RNF38: variants seen among roughly 807,000 people sequenced by gnomAD.
The protein encoded by RNF38 is E3 ubiquitin-protein ligase RNF38.
A neutral mutation model predicts 67.2 loss-of-function variants in RNF38; 15 were observed. That is an observed-to-expected ratio of 0.22 (90% CI 0.15 to 0.34). The LOEUF is 0.34. RNF38 is among the 10% of genes least tolerant of loss of function. RNF38 has a pLI of 1.00. For synonymous variants in RNF38, 220 were observed against 218.8 expected, an observed-to-expected ratio of 1.01 and a Z score of -0.05; for missense variants, 524 against 639.9, an observed-to-expected ratio of 0.82 and a Z score of 1.95.
Position 36,369,809 on chromosome 9 carries a change from G to A in RNF38, c.480C>T (p.Ala160=), listed in dbSNP as rs1438954626. 3 of 1,613,982 alleles carry A rather than the reference G, an allele frequency of 1.9e-6. No individual in the cohort carries two copies. The highest frequency in any genetic ancestry group is 1.3e-5 in the African/African-American group (1 of 75,044). The change falls in exon 4 of 12, where the codon GCC becomes GCT. Residue 160 remains alanine, a synonymous_variant. Coordinates refer to ENST00000259605, the MANE Select transcript of RNF38 (RefSeq NM_022781.5). ...GGGGAGATACATTCGGAGGGTGGAA[G>A]GCTCGAGGCTCCTCTATTGCTTGCT... ...AQQQAIEEPR[A]FHPPNVSPRL...
chr9:36,365,551 C>T (rs186039283), intron 4 of RNF38, among the ~76,000 whole-genome samples: 94 of 151,692 alleles, frequency 6.2e-4, no homozygotes, highest in African/African-American at 2.1e-3. Flanking sequence ...CCATCCTGGG[C>T]AAGAAGAGCG....
chr9:36,340,688 T>C (rs1225942296), intron 11 of RNF38, among the ~76,000 whole-genome samples: 1 of 152,202 alleles, frequency 6.6e-6, no homozygotes, highest in Non-Finnish European at 1.5e-5. Flanking sequence ...CTATTCTTAA[T>C]GGAATGAAGT....
At chr9:36,366,053 G>A (rs1231882452) in intron 4 of RNF38, among the ~76,000 whole-genome samples, 1 of 151,936 alleles carries the variant, frequency 6.6e-6, no homozygotes, top group African/African-American at 2.4e-5. Context: ...TTTCAAATAT[G>A]TTCAAAAACA....
intron 1 of RNF38, among the ~76,000 whole-genome samples, chr9:36,455,699 C>A (rs919089097): frequency 1.1e-4 from 16 of 150,206 alleles, no homozygotes; most frequent in African/African-American, 3.4e-4. Context: ...ATCTGGGGGG[C>A]AGAGGTTGCA....
chr9:36,457,215 ACACGAAGG>A (rs1442137606), intron 1 of RNF38, among the ~76,000 whole-genome samples: 2 of 152,220 alleles, frequency 1.3e-5, no homozygotes, highest in African/African-American at 4.8e-5. Flanking sequence ...TTCTTACCAA[ACACGAAGG>A]CACTGAATTA....
chr9:36,401,609 A>G (rs1267717826), upstream of RNF38, among the ~76,000 whole-genome samples: 1 of 152,192 alleles, frequency 6.6e-6, no homozygotes, highest in Non-Finnish European at 1.5e-5. Flanking sequence ...AATAAGAACA[A>G]AGATTGAAGC....
intron 1 of RNF38, 131 bp from the exon 2 acceptor site, chr9:36,390,747 A>G: frequency 1.0e-6 from 1 of 965,898 alleles, no homozygotes; most frequent in Non-Finnish European, 1.5e-6. Flanking sequence ...AAGAAATTAA[A>G]AATTAATTTT....
Position 36,338,531 on chromosome 9 carries a change from A to G in RNF38, c.*1221T>C, listed in dbSNP as rs1277316819. On this transcript the variant is annotated 3_prime_UTR_variant, in exon 12 of 12. Transcript: ENST00000259605. ...ATGAAGGAAGAACTAGACAACTTTC[A>G]GAATTGGAGTCTGGCAAGTGAATTA... 1 of 152,246 alleles carries G rather than the reference A, an allele frequency of 6.6e-6. No homozygotes were observed. Among genetic ancestry groups the G allele is most frequent in the Non-Finnish European group, 1.5e-5 (1 of 68,042 alleles). The allele number at this position is 152,246 out of a possible 1,614,324, so 9.4% of individuals were successfully genotyped here.
intron 1 of RNF38, among the ~76,000 whole-genome samples, chr9:36,453,075 A>C (rs1839496761): frequency 6.6e-6 from 1 of 152,132 alleles, no homozygotes; most frequent in Non-Finnish European, 1.5e-5. Flanking sequence ...GGAACGGCCA[A>C]ACTGTTTTCT....
At chr9:36,460,725 T>C (rs1306799152) in intron 1 of RNF38, among the ~76,000 whole-genome samples, 1 of 150,318 alleles carries the variant, frequency 6.7e-6, no homozygotes, top group Non-Finnish European at 1.5e-5. Context: ...CCATCTCTAC[T>C]AAAAATACAA....
chr9:36,347,503 T>C (rs988102054), intron 9 of RNF38, among the ~76,000 whole-genome samples: 3 of 152,226 alleles, frequency 2.0e-5, no homozygotes, highest in South Asian at 2.1e-4. Context: ...TCAAACTTTT[T>C]CATATCTGCT....
At chr9:36,349,921 G>T (rs563095997) in intron 9 of RNF38, among the ~76,000 whole-genome samples, 9 of 152,110 alleles carry the variant, frequency 5.9e-5, no homozygotes, top group African/African-American at 1.9e-4. Flanking sequence ...TGTGATCTTG[G>T]CTCACTGCAG....
intron 1 of RNF38, among the ~76,000 whole-genome samples, chr9:36,479,201 GC>G (rs1840191739): frequency 6.6e-6 from 1 of 152,116 alleles, no homozygotes; most frequent in Non-Finnish European, 1.5e-5. Context: ...TACCCCGCCT[GC>G]CCCCACTACT....
chr9:36,390,093 G>T (rs887828228), intron 2 of RNF38, among the ~76,000 whole-genome samples: 6 of 152,132 alleles, frequency 3.9e-5, no homozygotes, highest in African/African-American at 1.2e-4. Context: ...CGAACTCTGG[G>T]TGCCAAGCAA....
intron 11 of RNF38, among the ~76,000 whole-genome samples, chr9:36,340,234 C>CT (rs1832740764): frequency 1.3e-5 from 2 of 152,180 alleles, no homozygotes; most frequent in Admixed American, 1.3e-4. Flanking sequence ...CCACCATGGC[C>CT]TCCCAAGGTG....
intron 1 of RNF38, among the ~76,000 whole-genome samples, chr9:36,475,861 C>A (rs1840109173): frequency 6.6e-6 from 1 of 150,450 alleles, no homozygotes; most frequent in Non-Finnish European, 1.5e-5. Context: ...ACTAAAAATA[C>A]AAAAATTAGC....
chr9:36,425,537 T>C (rs912770803), intron 1 of RNF38, among the ~76,000 whole-genome samples: 1 of 151,930 alleles, frequency 6.6e-6, no homozygotes, highest in African/African-American at 2.4e-5. Context: ...CTACTAAAAA[T>C]ACAAAAATTA....
chr9:36,361,890 A>G (rs1834565737), intron 4 of RNF38, among the ~76,000 whole-genome samples: 1 of 152,176 alleles, frequency 6.6e-6, no homozygotes, highest in Admixed American at 6.5e-5. Context: ...CCCCCTAAAC[A>G]CTACCACTTA....
At chr9:36,367,685 T>C (rs1463936903) in intron 4 of RNF38, among the ~76,000 whole-genome samples, 1 of 152,212 alleles carries the variant, frequency 6.6e-6, no homozygotes, top group East Asian at 1.9e-4. Context: ...TTCATCTGTA[T>C]TCATGAGGGA....
Sources: allele counts gnomAD v4.1 joint callset (sites outside exome capture counted in the v4.1 genomes callset), GRCh38; gene constraint gnomAD v4.1.1; transcripts MANE v1.5; gene names NCBI Gene and HGNC (gene_info 2026-07-23, HGNC 2026-07-21).